SLC52A3: variants seen among roughly 807,000 people sequenced by gnomAD.
SLC52A3 encodes the protein solute carrier family 52, riboflavin transporter, member 3.
In SLC52A3, 20 loss-of-function variants were observed where a neutral mutation model predicts 29.5. The ratio of observed to expected loss-of-function variants is 0.68; its 90% CI spans 0.48 to 0.99. SLC52A3 has a LOEUF of 0.99. Among genes scored for constraint, SLC52A3 ranks in the 50% least tolerant of loss-of-function variants. The probability of loss-of-function intolerance (pLI) is 0.00; values close to 1 mark genes in which losing one functional copy is unlikely to be tolerated. For missense variants in SLC52A3, 548 were observed against 612.9 expected (o/e 0.89, Z 1.12); for synonymous variants, 301 against 271.0 (o/e 1.11, Z -1.09).
chr20:760,459 G>A lies in SLC52A3; in HGVS notation c.*567C>T, dbSNP rs76998461. On this transcript the variant is annotated 3_prime_UTR_variant, in exon 5 of 5. Coordinates refer to ENST00000645534, the MANE Select transcript of SLC52A3 (RefSeq NM_033409.4). This position sits in a 1 kb window ranked among gnomAD's most constrained non-coding sequence, Gnocchi z 4.9. ...CTGTGAGACTGAGGGGCAAAGGAGA[G>A]AGGGCAGGGGCGTGTCTCAACCCTT... The A allele has an allele frequency of 5.6e-3, 854 of 153,272 alleles. 11 individuals are homozygous for A. The highest frequency in any genetic ancestry group is 0.019 in the African/African-American group (793 of 41,562). The allele number at this position is 153,272 out of a possible 1,614,324, so 9.5% of individuals were successfully genotyped here. A position where few individuals can be genotyped will look rare whatever the true frequency, so the allele number is the denominator to read the frequency against.
Position 765,113 on chromosome 20 carries a change from C to T in SLC52A3, c.567+95G>A. The T allele has an allele frequency of 7.0e-7, 1 of 1,431,132 alleles. No homozygotes were observed. Among genetic ancestry groups the T allele is most frequent in the South Asian group, 1.2e-5 (1 of 85,358 alleles). 88.7% of individuals were successfully genotyped at this position (1,431,132 alleles called of 1,614,324 possible). ...ATGTCAGTTTAACTCATAGGCCGACCAAAGAACCTAGAAGGATGGAGGTGA... is the reference window on the plus strand; with the variant it reads ...ATGTCAGTTTAACTCATAGGCCGACTAAAGAACCTAGAAGGATGGAGGTGA... On this transcript the variant is annotated intron_variant, in intron 2 of 4. Transcript: ENST00000645534. The surrounding 1 kb of genome is among the most constrained non-coding windows in gnomAD (Gnocchi z 6.6).
intron 3 of SLC52A3, among the ~76,000 whole-genome samples, 177 bp from the exon 4 acceptor site, chr20:762,001 T>G (rs1986507018): frequency 6.6e-6 from 1 of 152,220 alleles, no homozygotes; most frequent in Non-Finnish European, 1.5e-5. Context: ...AGGGCTGGCC[T>G]GAGTCATCCC....
At chr20:773,538 T>C (rs1317611847) in intron 1 of SLC52A3, among the ~76,000 whole-genome samples, 5 of 152,242 alleles carry the variant, frequency 3.3e-5, no homozygotes, top group African/African-American at 7.2e-5. Context: ...GCAGGATCTC[T>C]TTCTGCTCAC....
At chr20:778,576 G>A (rs1987131168), upstream of SLC52A3, among the ~76,000 whole-genome samples, 2 of 152,126 alleles carry the variant, frequency 1.3e-5, no homozygotes, top group Admixed American at 1.3e-4. Flanking sequence ...ACCATGAAAG[G>A]TGGAGGGAAG....
At chr20:774,686 A>AC (rs1353618820) in intron 1 of SLC52A3, among the ~76,000 whole-genome samples, 7 of 152,304 alleles carry the variant, frequency 4.6e-5, no homozygotes, top group Middle Eastern at 6.8e-3. Context: ...GGCCTCAGCC[A>AC]CCCTCACTGT....
intron 1 of SLC52A3, among the ~76,000 whole-genome samples, chr20:773,723 C>G (rs671641): frequency 0.84 from 128,486 of 152,190 alleles, 56,242 homozygotes; most frequent in Non-Finnish European, 0.98. Flanking sequence ...CCCCATAATG[C>G]GTGGGCGACA....
chr20:761,383 G>T (rs1284820899), intron 4 of SLC52A3, 145 bp from the exon 5 acceptor site: 2 of 994,380 alleles, frequency 2.0e-6, no homozygotes, highest in East Asian at 2.6e-5. Flanking sequence ...CTGCGGGGCC[G>T]ACGGGTCCCA....
In SLC52A3 at chr20:760,724, G is replaced by A; in HGVS notation, c.*302C>T. The A allele has an allele frequency of 2.3e-6, 1 of 443,970 alleles. No individual in the cohort carries two copies. Among genetic ancestry groups the A allele is most frequent in the Non-Finnish European group, 4.0e-6 (1 of 247,098 alleles). 27.5% of individuals were successfully genotyped at this position (443,970 alleles called of 1,614,324 possible). A position where few individuals can be genotyped will look rare whatever the true frequency, so the allele number is the denominator to read the frequency against. ...CCTGAAGGGACAGCCGGCTGTCCCA[G>A]CTGTTTCCCTTCTAACACCCTTGGG... On this transcript the variant is annotated 3_prime_UTR_variant, in exon 5 of 5. Transcript: ENST00000645534. This position sits in a 1 kb window ranked among gnomAD's most constrained non-coding sequence, Gnocchi z 4.9.
chr20:761,862 C>A, intron 3 of SLC52A3, 38 bp from the exon 4 acceptor site: 2 of 1,613,858 alleles, frequency 1.2e-6, no homozygotes, highest in Non-Finnish European at 1.7e-6. Flanking sequence ...AGGTGAGAAG[C>A]CTGACCTCTG....
Position 765,854 on chromosome 20 carries a change from T to C in SLC52A3, c.-51-29A>G. The C allele has an allele frequency of 7.2e-7, 1 of 1,390,316 alleles. No individual in the cohort carries two copies. The highest frequency in any genetic ancestry group is 1.0e-6 in the Non-Finnish European group (1 of 996,216). 86.1% of individuals were successfully genotyped at this position (1,390,316 alleles called of 1,614,324 possible). On this transcript the variant is annotated intron_variant, in intron 1 of 4. Transcript: ENST00000645534. The surrounding 1 kb of genome is among the most constrained non-coding windows in gnomAD (Gnocchi z 6.6). The stretch of plus-strand genomic sequence containing the variant: ...GCAGAGAAGGACACCAGGTGAGTAA[T>C]TCCAGCTTCACCACCTAGCAAGATG...
chr20:776,450 T>G (rs113130332), upstream of SLC52A3, among the ~76,000 whole-genome samples: 3 of 152,288 alleles, frequency 2.0e-5, no homozygotes, highest in Admixed American at 1.3e-4. Context: ...TTGAGAGAAA[T>G]TAATGCATTT....
chr20:763,280 C>T (rs1273143102), intron 3 of SLC52A3, among the ~76,000 whole-genome samples: 1 of 152,230 alleles, frequency 6.6e-6, no homozygotes, highest in Admixed American at 6.5e-5. Flanking sequence ...TGGAATGTTA[C>T]ACTCCCATTT....
At chr20:770,315 T>G (rs1673428688), upstream of SLC52A3, among the ~76,000 whole-genome samples, 2 of 152,046 alleles carry the variant, frequency 1.3e-5, no homozygotes, top group South Asian at 4.1e-4. This position sits in a 1 kb window ranked among gnomAD's most constrained non-coding sequence, Gnocchi z 4.5. Context: ...CACCACAATG[T>G]CCGGCTAATT....
Position 765,592 on chromosome 20 carries a change from GA to G in SLC52A3, c.182del (p.Leu61ProfsTer35). On this transcript the variant is annotated frameshift_variant, in exon 2 of 5. Transcript: ENST00000645534. LOFTEE classifies it high-confidence loss of function. The surrounding 1 kb of genome is among the most constrained non-coding windows in gnomAD (Gnocchi z 6.6). ...AAAGGCAGCTGGGCCGGAAGTGATG[GA>G]GCAGGGTGACCAGGAGGGGCCCGAT... ...ANIGPLLVTL[L>X]HHFRPSCLSE... is the part of the protein sequence containing the mutation. The G allele has an allele frequency of 6.3e-7, 1 of 1,591,288 alleles. No homozygotes were observed. Among genetic ancestry groups the G allele is most frequent in the Non-Finnish European group, 8.6e-7 (1 of 1,169,438 alleles).
chr20:777,956 G>T (rs1490117876), upstream of SLC52A3, among the ~76,000 whole-genome samples: 2 of 150,954 alleles, frequency 1.3e-5, no homozygotes, highest in Non-Finnish European at 2.9e-5. Flanking sequence ...ATCTACATTA[G>T]TAAAGGTGCC....
In SLC52A3 at chr20:764,023, T is replaced by TCAGAA. The variant is rs1986590744; in HGVS notation, c.568-21_568-20insTTCTG. The TCAGAA allele has an allele frequency of 2.6e-6, 4 of 1,547,770 alleles. No homozygotes were observed. Among genetic ancestry groups the TCAGAA allele is most frequent in the African/African-American group, 1.4e-5 (1 of 72,994 alleles). On this transcript the variant is annotated intron_variant, in intron 2 of 4. Coordinates refer to ENST00000645534, the MANE Select transcript of SLC52A3 (RefSeq NM_033409.4). The stretch of plus-strand genomic sequence containing the variant: ...AACTCCCTGCAAAGGACAAGACAGA[T>TCAGAA]CCCTGGTCAGGGGAGGGGATCAGGC...
At chr20:778,139 C>T (rs1694251222), upstream of SLC52A3, among the ~76,000 whole-genome samples, 1 of 151,926 alleles carries the variant, frequency 6.6e-6, no homozygotes, top group Non-Finnish European at 1.5e-5. Context: ...CCACAGCCTC[C>T]CAAGTAACTG....
In SLC52A3 at chr20:761,895, C is replaced by T. The variant is rs376120442; in HGVS notation, c.1074-71G>A. 3.1e-6 allele frequency: 5 copies of T among 1,604,474 alleles called. No homozygotes were observed. The African/African-American group carries it at 4.0e-5, about 13-fold the overall frequency. On this transcript the variant is annotated intron_variant, in intron 3 of 4. Coordinates refer to ENST00000645534, the MANE Select transcript of SLC52A3 (RefSeq NM_033409.4). ...CTGACCCCCCCGCCCCACTGGGCGG[C>T]ATGTGGATGGCCAGTGTCTCCATAG...
At chr20:777,108 C>T (rs551687005), upstream of SLC52A3, among the ~76,000 whole-genome samples, 20 of 152,174 alleles carry the variant, frequency 1.3e-4, no homozygotes, top group African/African-American at 4.8e-4. Context: ...TGATGGCGGA[C>T]ACCTGTAATC....
Sources: allele counts gnomAD v4.1 joint callset (sites outside exome capture counted in the v4.1 genomes callset), GRCh38; gene constraint gnomAD v4.1.1; non-coding constraint Gnocchi (gnomAD v3.1); transcripts MANE v1.5; gene names NCBI Gene and HGNC (gene_info 2026-07-23, HGNC 2026-07-21).